CDH2: variants seen among roughly 807,000 people sequenced by gnomAD.
CDH2 encodes the protein cadherin-2.
Under a neutral mutation model 92.0 loss-of-function variants are expected in CDH2, and 17 were observed. That is an observed-to-expected ratio of 0.18 (90% CI 0.13 to 0.28). CDH2 has a LOEUF of 0.28. Among genes scored for constraint, CDH2 ranks in the 10% least tolerant of loss-of-function variants. The pLI is 1.00. For missense variants in CDH2, 862 were observed against 1,133.1 expected, an observed-to-expected ratio of 0.76 and a Z score of 3.44; for synonymous variants, 419 against 415.9, an observed-to-expected ratio of 1.01 and a Z score of -0.09.
At chr18:28,113,477 A>G (rs2015445917) in intron 2 of CDH2, among the ~76,000 whole-genome samples, 2 of 127,210 alleles carry the variant, frequency 1.6e-5, no homozygotes, top group East Asian at 4.3e-4. Context: ...AGCAAAAGGA[A>G]AAAAAAAAAA....
intron 3 of CDH2, 45 bp from the exon 4 acceptor site, chr18:28,012,037 T>G: frequency 6.5e-7 from 1 of 1,532,230 alleles, no homozygotes; most frequent in Non-Finnish European, 9.0e-7. Context: ...AGGAAACACA[T>G]TTTCTGAAAG....
At chr18:28,075,260 A>C (rs980034199) in intron 2 of CDH2, among the ~76,000 whole-genome samples, 1 of 152,200 alleles carries the variant, frequency 6.6e-6, no homozygotes, top group Admixed American at 6.5e-5. Context: ...GATCACATAC[A>C]TCTCAAGGGA....
intron 6 of CDH2, among the ~76,000 whole-genome samples, chr18:27,935,525 G>A (rs1908996983): frequency 6.6e-6 from 1 of 152,102 alleles, no homozygotes; most frequent in Non-Finnish European, 1.5e-5. Context: ...ATTTGGGTGG[G>A]GACATAGAGC....
At chr18:28,067,989 C>T (rs1206389151) in intron 2 of CDH2, among the ~76,000 whole-genome samples, 1 of 152,042 alleles carries the variant, frequency 6.6e-6, no homozygotes, top group Non-Finnish European at 1.5e-5. Flanking sequence ...CAAAATAAAG[C>T]TGAATAAAAC....
chr18:27,935,556 A>C (rs1466772541), intron 6 of CDH2, among the ~76,000 whole-genome samples: 1 of 152,162 alleles, frequency 6.6e-6, no homozygotes, highest in Non-Finnish European at 1.5e-5. Context: ...CACCATGACA[A>C]GGGGGTAGGC....
chr18:27,935,322 A>C (rs1273342249), intron 6 of CDH2, among the ~76,000 whole-genome samples: 1 of 152,206 alleles, frequency 6.6e-6, no homozygotes, highest in Non-Finnish European at 1.5e-5. Context: ...ACACATGTTC[A>C]CATGGCTGGA....
chr18:28,016,413 T>C (rs2013247441), intron 2 of CDH2, among the ~76,000 whole-genome samples: 1 of 152,204 alleles, frequency 6.6e-6, no homozygotes, highest in Non-Finnish European at 1.5e-5. Context: ...ACACACAGCC[T>C]ACTATAGTAA....
intron 15 of CDH2, among the ~76,000 whole-genome samples, chr18:27,955,190 G>C (rs1394481026): frequency 6.6e-6 from 1 of 151,952 alleles, no homozygotes; most frequent in African/African-American, 2.4e-5. Context: ...CAATCCTTAT[G>C]ATGTCAACAC....
chr18:28,082,524 G>C (rs184480860), intron 2 of CDH2, among the ~76,000 whole-genome samples: 2 of 152,174 alleles, frequency 1.3e-5, no homozygotes, highest in Admixed American at 1.3e-4. Context: ...GAGTATTTTT[G>C]CCAATCAGAG....
At chr18:27,972,080 G>C (rs2143915441) in intron 14 of CDH2, among the ~76,000 whole-genome samples, 1 of 152,152 alleles carries the variant, frequency 6.6e-6, no homozygotes, top group East Asian at 1.9e-4. Context: ...TTCTCAAGTG[G>C]CTTTCTTGTA....
chr18:27,990,015 C>A, intron 10 of CDH2, 82 bp downstream of exon 10: 7 of 1,220,446 alleles, frequency 5.7e-6, no homozygotes, highest in South Asian at 1.6e-5. Context: ...AAAATTTCTA[C>A]TCAAATAGTG....
chr18:28,118,629 G>T (rs1207099581), intron 2 of CDH2, among the ~76,000 whole-genome samples: 2 of 151,762 alleles, frequency 1.3e-5, no homozygotes, highest in Non-Finnish European at 2.9e-5. Context: ...ACTTTAGGTT[G>T]TGAGCAGTAT....
chr18:28,039,866 T>C (rs1347124502), intron 2 of CDH2, among the ~76,000 whole-genome samples: 1 of 152,190 alleles, frequency 6.6e-6, no homozygotes, highest in African/African-American at 2.4e-5. Flanking sequence ...TTGGTCAACA[T>C]TTATGGCTCA....
At chr18:27,976,004 T>C (rs774973345) in intron 14 of CDH2, among the ~76,000 whole-genome samples, 4 of 152,098 alleles carry the variant, frequency 2.6e-5, no homozygotes, top group South Asian at 2.1e-4. Context: ...GGGGTCCTTA[T>C]AGGGACAGAA....
At chr18:27,998,052 C>T (rs1489957504) in intron 7 of CDH2, among the ~76,000 whole-genome samples, 4 of 152,100 alleles carry the variant, frequency 2.6e-5, no homozygotes, top group African/African-American at 7.2e-5. Context: ...GTGATCCGCC[C>T]ACCTTGGCCT....
chr18:28,152,072 GGCA>G (rs2016131706), intron 1 of CDH2, among the ~76,000 whole-genome samples: 1 of 152,140 alleles, frequency 6.6e-6, no homozygotes, highest in South Asian at 2.1e-4. Flanking sequence ...CAAAAATAAT[GGCA>G]GCAGGAGTGT....
At chr18:27,989,509 T>A (rs550464930) in intron 10 of CDH2, among the ~76,000 whole-genome samples, 24 of 152,326 alleles carry the variant, frequency 1.6e-4, no homozygotes, top group African/African-American at 5.8e-4. Context: ...GAAATATAAG[T>A]TCATTTTAAA....
chr18:28,020,405 A>G (rs1159335290), intron 2 of CDH2, among the ~76,000 whole-genome samples: 1 of 152,034 alleles, frequency 6.6e-6, no homozygotes, highest in Non-Finnish European at 1.5e-5. Flanking sequence ...GAGAAGATAT[A>G]CATGGGACGT....
At chr18:28,176,466 G>A (rs1281633879) in intron 1 of CDH2, among the ~76,000 whole-genome samples, 4 of 152,200 alleles carry the variant, frequency 2.6e-5, no homozygotes, top group African/African-American at 7.2e-5. Context: ...AGCACCGGGA[G>A]GCGCACGGGT....
Sources: allele counts gnomAD v4.1 joint callset (sites outside exome capture counted in the v4.1 genomes callset), GRCh38; gene constraint gnomAD v4.1.1; transcripts MANE v1.5; gene names NCBI Gene and HGNC (gene_info 2026-07-23, HGNC 2026-07-21).